SMARCA2: variants seen among roughly 807,000 people sequenced by gnomAD.
SMARCA2 encodes the protein SWI/SNF-related matrix-associated actin-dependent regulator of chromatin subfamily A member 2.
SMARCA2 carries 61 observed loss-of-function variants against 199.8 expected under a neutral mutation model. The observed-to-expected ratio is 0.31, with a 90% CI of 0.25 to 0.38. The LOEUF is 0.38. SMARCA2 is among the 10% of genes least tolerant of loss of function. The probability of loss-of-function intolerance (pLI) is 1.00; values close to 1 mark genes in which losing one functional copy is unlikely to be tolerated. For synonymous variants in SMARCA2, 935 were observed against 732.0 expected, an observed-to-expected ratio of 1.28 and a Z score of -4.48; for missense variants, 1,344 against 2,012.2, an observed-to-expected ratio of 0.67 and a Z score of 6.35.
chr9:2,027,553 A>G (rs1263208589), intron 1 of SMARCA2, among the ~76,000 whole-genome samples: 4 of 152,204 alleles, frequency 2.6e-5, no homozygotes, highest in African/African-American at 7.2e-5. Flanking sequence ...AGCTATGACT[A>G]TATGCTGGTT....
rs370141814 is a variant in SMARCA2, at chr9:2,073,517, G to A, written c.1878-49G>A. 7.8e-6 allele frequency: 12 copies of A among 1,532,214 alleles called. No homozygotes were observed. In the African/African-American group the frequency reaches 1.2e-4, roughly 16 times the overall value. The allele number at this position is 1,532,214 out of a possible 1,614,324, so 94.9% of individuals were successfully genotyped here. ...AAGTCATGTGTGTCTTTATTGTATTGTAATTTAAAAAACTAAGCCCCCTCC... is the reference window on the plus strand; with the variant it reads ...AAGTCATGTGTGTCTTTATTGTATTATAATTTAAAAAACTAAGCCCCCTCC... On this transcript the variant is annotated intron_variant, in intron 11 of 33. Coordinates refer to ENST00000349721, the MANE Select transcript of SMARCA2 (RefSeq NM_003070.5).
intron 3 of SMARCA2, among the ~76,000 whole-genome samples, chr9:2,038,548 C>G (rs1181088452): frequency 6.6e-6 from 1 of 152,090 alleles, no homozygotes; most frequent in African/African-American, 2.4e-5. Flanking sequence ...TATAAGTACC[C>G]CAGCTTCTTT....
At chr9:2,147,091 A>C (rs1464363689) in intron 27 of SMARCA2, among the ~76,000 whole-genome samples, 1 of 152,186 alleles carries the variant, frequency 6.6e-6, no homozygotes. Context: ...GAATTGATAG[A>C]CTGAGGAGAA....
Position 2,039,378 on chromosome 9 carries a change from C to A in SMARCA2, c.356-88C>A. The A allele has an allele frequency of 8.0e-7, 1 of 1,255,212 alleles. No individual in the cohort carries two copies. The highest frequency in any genetic ancestry group is 1.1e-6 in the Non-Finnish European group (1 of 896,704). 77.8% of individuals were successfully genotyped at this position (1,255,212 alleles called of 1,614,324 possible). A position where few individuals can be genotyped will look rare whatever the true frequency, so the allele number is the denominator to read the frequency against. On this transcript the variant is annotated intron_variant, in intron 3 of 33. Transcript: ENST00000349721. This position sits in a 1 kb window ranked among gnomAD's most constrained non-coding sequence, Gnocchi z 4.8. Reference sequence around the variant, plus strand: ...TTCAAATTTCTGTCAGACAGTGTTGCTGTGGACAATTATTAGAGTATTCAG... The same window carrying A: ...TTCAAATTTCTGTCAGACAGTGTTGATGTGGACAATTATTAGAGTATTCAG...
chr9:2,184,721 C>T (rs1440457235), intron 31 of SMARCA2, among the ~76,000 whole-genome samples: 8 of 152,090 alleles, frequency 5.3e-5, no homozygotes, highest in African/African-American at 1.7e-4. Flanking sequence ...ATTCTTGCCT[C>T]CTCATCTTTC....
intron 27 of SMARCA2, among the ~76,000 whole-genome samples, chr9:2,143,977 G>A (rs542689797): frequency 1.3e-5 from 2 of 152,204 alleles, no homozygotes; most frequent in Admixed American, 1.3e-4. Flanking sequence ...AATGTTAACA[G>A]GCATAGCACG....
At chr9:2,139,830 T>C (rs1390165432) in intron 27 of SMARCA2, among the ~76,000 whole-genome samples, 1 of 152,220 alleles carries the variant, frequency 6.6e-6, no homozygotes, top group Non-Finnish European at 1.5e-5. Context: ...TACATACATC[T>C]TAGCAGAATT....
chr9:2,083,247 C>T, intron 15 of SMARCA2, 100 bp from the exon 16 acceptor site: 2 of 689,364 alleles, frequency 2.9e-6, no homozygotes. Flanking sequence ...TTCTGTAGCC[C>T]CTTTCAAGGT....
intron 27 of SMARCA2, among the ~76,000 whole-genome samples, chr9:2,149,467 C>CT (rs1824942449): frequency 6.6e-6 from 1 of 151,458 alleles, no homozygotes; most frequent in Admixed American, 6.6e-5. Flanking sequence ...TTGCAGTGAG[C>CT]CACGAACATG....
In SMARCA2 at chr9:2,136,075, C is replaced by T. The variant is rs988127047; in HGVS notation, c.3981+12138C>T. Among the ~76,000 whole-genome samples, 9 of 148,106 alleles carry T rather than the reference C, an allele frequency of 6.1e-5. No individual in the cohort carries two copies. The East Asian group carries it at 1.4e-3, about 23-fold the overall frequency. ...CAGGCTGGTCTCGAACTCCTGATCTCGTGATCCGCCTGCCTCAGCCTCCCA... is the reference window on the plus strand; with the variant it reads ...CAGGCTGGTCTCGAACTCCTGATCTTGTGATCCGCCTGCCTCAGCCTCCCA... On this transcript the variant is annotated intron_variant, in intron 27 of 33. Coordinates refer to ENST00000349721, the MANE Select transcript of SMARCA2 (RefSeq NM_003070.5).
intron 21 of SMARCA2, 65 bp downstream of exon 21, chr9:2,097,536 A>AT (rs1186359537): frequency 4.9e-6 from 5 of 1,016,066 alleles, no homozygotes; most frequent in Non-Finnish European, 7.4e-6. Flanking sequence ...TTAAAAAAAA[A>AT]CAAACAAACA....
chr9:2,182,176 C>T lies in SMARCA2; in HGVS notation c.4395C>T (p.Gly1465=), dbSNP rs766785817. The T allele has an allele frequency of 1.8e-5, 29 of 1,613,036 alleles. No individual in the cohort carries two copies. The East Asian group carries it at 2.0e-4, about 11-fold the overall frequency. Residue 1465 remains glycine, a synonymous_variant, in exon 31 of 34, where the codon GGC becomes GGT. Coordinates refer to ENST00000349721, the MANE Select transcript of SMARCA2 (RefSeq NM_003070.5). Reference sequence around the variant, plus strand: ...GTAATCATAAGTACCGGAGCCTAGGCGACCTGGAGAAGGATGTCATGCTTC... The same window carrying T: ...GTAATCATAAGTACCGGAGCCTAGGTGACCTGGAGAAGGATGTCATGCTTC... ...RIRNHKYRSL[G]DLEKDVMLLC...
intron 1 of SMARCA2, among the ~76,000 whole-genome samples, chr9:2,025,002 T>G (rs1409577202): frequency 8.5e-5 from 13 of 152,218 alleles, no homozygotes; most frequent in Non-Finnish European, 5.9e-5. Context: ...TTTGTCATGG[T>G]TGGAGTGGTG....
chr9:2,115,247 A>G lies in SMARCA2; in HGVS notation c.3457-575A>G, dbSNP rs1345608888. ...CAAAAGTTTACCAGTTGACTACCCA[A>G]CTAGCAATCCTTTTGATTTCCCAGA... On this transcript the variant is annotated intron_variant, in intron 24 of 33. Transcript: ENST00000349721. This position sits in a 1 kb window ranked among gnomAD's most constrained non-coding sequence, Gnocchi z 6.0. 6.6e-6 allele frequency among the ~76,000 whole-genome samples: 1 copy of G among 152,202 alleles called. No homozygotes were observed.
At chr9:2,041,685 C>CA (rs1338401064) in intron 4 of SMARCA2, 1 of 323,088 alleles carries the variant, frequency 3.1e-6, no homozygotes, top group Admixed American at 4.9e-5. Context: ...ACCATGGAGG[C>CA]ATTTGGTAGG....
chr9:2,026,566 A>T (rs1818840939), intron 1 of SMARCA2, among the ~76,000 whole-genome samples: 1 of 152,250 alleles, frequency 6.6e-6, no homozygotes, highest in South Asian at 2.1e-4. Context: ...TGTTTAATAT[A>T]CATCAATTAT....
chr9:2,140,141 A>C (rs1385610146), intron 27 of SMARCA2, among the ~76,000 whole-genome samples: 3 of 152,206 alleles, frequency 2.0e-5, no homozygotes, highest in Non-Finnish European at 4.4e-5. Flanking sequence ...AGAGTTTTCT[A>C]GTACTCTCAT....
rs77815951 is a variant in SMARCA2 at position 2,139,717 on chromosome 9, A to G, written c.3981+15780A>G. 2.8e-4 allele frequency among the ~76,000 whole-genome samples: 43 copies of G among 152,316 alleles called. No homozygotes were observed. The East Asian group carries it at 8.1e-3, about 29-fold the overall frequency. ...CAGAAGTCTGAAAAGACATCTCAAG[A>G]CACCAATCTTAGGTTCTACGATAGT... On this transcript the variant is annotated intron_variant, in intron 27 of 33. Transcript: ENST00000349721.
At chr9:2,146,227 G>A (rs1824737117) in intron 27 of SMARCA2, among the ~76,000 whole-genome samples, 1 of 152,050 alleles carries the variant, frequency 6.6e-6, no homozygotes, top group Non-Finnish European at 1.5e-5. Context: ...GAGCTCTTTG[G>A]GGTCTTTTTT....
Sources: allele counts gnomAD v4.1 joint callset (sites outside exome capture counted in the v4.1 genomes callset), GRCh38; gene constraint gnomAD v4.1.1; non-coding constraint Gnocchi (gnomAD v3.1); transcripts MANE v1.5; gene names NCBI Gene and HGNC (gene_info 2026-07-23, HGNC 2026-07-21).